RCBTB2: variants seen among roughly 807,000 people sequenced by gnomAD.
RCBTB2 encodes RCC1 and BTB domain containing protein 2, also known as RCC1 and BTB domain-containing protein 2.
Under a neutral mutation model 65.4 loss-of-function variants are expected in RCBTB2, and 55 were observed. That is an observed-to-expected ratio of 0.84 (90% CI 0.68 to 1.05). The LOEUF (loss-of-function observed/expected upper bound fraction) is 1.05, where lower values mean the gene tolerates loss of function less well. RCBTB2 is among the 50% of genes least tolerant of loss of function. RCBTB2 has a pLI of 0.00. For synonymous variants in RCBTB2, 220 were observed against 255.2 expected, an observed-to-expected ratio of 0.86 and a Z score of 1.31; for missense variants, 599 against 680.1, an observed-to-expected ratio of 0.88 and a Z score of 1.33.
At chr13:48,510,558 T>C (rs1406679184) in intron 10 of RCBTB2, 71 bp downstream of exon 10, 1 of 1,493,816 alleles carries the variant, frequency 6.7e-7, no homozygotes, top group East Asian at 2.3e-5. Flanking sequence ...CACCATTCTC[T>C]ATATATCTAA....
At chr13:48,496,356 T>C in intron 13 of RCBTB2, 35 bp from the exon 14 acceptor site, 1 of 1,497,806 alleles carries the variant, frequency 6.7e-7, no homozygotes, top group Non-Finnish European at 8.9e-7. Context: ...GGGGAGTGAT[T>C]TCAAGCATCC....
chr13:48,532,699 G>A, intron 1 of RCBTB2: 1 of 267,592 alleles, frequency 3.7e-6, no homozygotes, highest in South Asian at 3.0e-5. Flanking sequence ...CTGGGCCGGC[G>A]GCCTGGGCAG....
At position 48,510,577 on chromosome 13, in the gene RCBTB2, T is replaced by C. The variant is rs369465761; in HGVS notation, c.926+52A>G. 3.0e-5 allele frequency: 47 copies of C among 1,585,926 alleles called. No homozygotes were observed. The African/African-American group carries it at 5.9e-4, about 20-fold the overall frequency. On this transcript the variant is annotated intron_variant, in intron 10 of 14. Transcript: ENST00000344532. ...ATTCTCTATATATCTAAGTCCTGTT[T>C]AATCACAATCACCAAAGACCAGTGT... is the stretch of plus-strand genomic sequence containing the variant.
chr13:48,505,153 A>T (rs1027382132), intron 10 of RCBTB2, among the ~76,000 whole-genome samples: 8 of 151,488 alleles, frequency 5.3e-5, no homozygotes, highest in Non-Finnish European at 1.0e-4. Flanking sequence ...AGGCTGCGTG[A>T]CTAGGGGAAT....
chr13:48,532,861 T>G, intron 1 of RCBTB2, 167 bp downstream of exon 1: 1 of 388,654 alleles, frequency 2.6e-6, no homozygotes, highest in Non-Finnish European at 5.2e-6. Flanking sequence ...CGCCTAGGCC[T>G]GTGGCACGGT....
chr13:48,499,140 ACACTCT>A (rs772067159), intron 13 of RCBTB2, among the ~76,000 whole-genome samples: 28 of 142,480 alleles, frequency 2.0e-4, no homozygotes, highest in Non-Finnish European at 2.9e-4. Context: ...ACACACACAC[ACACTCT>A]CTCTCTCTCT....
chr13:48,528,399 AT>A (rs1951923665), intron 1 of RCBTB2, among the ~76,000 whole-genome samples: 1 of 152,212 alleles, frequency 6.6e-6, no homozygotes, highest in African/African-American at 2.4e-5. Context: ...ACACACTGAT[AT>A]TTTTAGAATT....
Position 48,515,606 on chromosome 13 carries a change from A to G in RCBTB2, c.178T>C (p.Tyr60His). ...VFGSAGNEVL[Y>H]TTVNDEIFVL... Reference sequence around the variant, plus strand: ...ATTACCTCATCATTTACTGTAGTGTATAAAACTTCATTGCCAGCACTGCCA... The same window carrying G: ...ATTACCTCATCATTTACTGTAGTGTGTAAAACTTCATTGCCAGCACTGCCA... The change falls in exon 5 of 15, where the codon TAC becomes CAC. Residue 60 changes from tyrosine to histidine, a missense_variant. Physicochemically the swap from Tyr to His is moderately conservative, Grantham distance 83. Transcript: ENST00000344532. 1 of 1,610,936 alleles carries G rather than the reference A, an allele frequency of 6.2e-7. No homozygotes were observed. The highest frequency in any genetic ancestry group is 8.5e-7 in the Non-Finnish European group (1 of 1,179,090).
At chr13:48,508,523 C>T (rs541907651) in intron 10 of RCBTB2, among the ~76,000 whole-genome samples, 1 of 152,134 alleles carries the variant, frequency 6.6e-6, no homozygotes, top group East Asian at 1.9e-4. Flanking sequence ...CGTGCCTCAG[C>T]CTCCCAAGTA....
chr13:48,507,367 C>T (rs1260944816), intron 10 of RCBTB2, among the ~76,000 whole-genome samples: 1 of 152,214 alleles, frequency 6.6e-6, no homozygotes. Context: ...ACCGACGTTC[C>T]AATTTTCCAG....
chr13:48,509,031 A>G (rs761597850), intron 10 of RCBTB2, among the ~76,000 whole-genome samples: 5 of 152,146 alleles, frequency 3.3e-5, no homozygotes, highest in Admixed American at 6.5e-5. Flanking sequence ...TAGGAGCACC[A>G]TAAAAAGTAA....
chr13:48,530,750 A>C (rs1048341498), intron 1 of RCBTB2, among the ~76,000 whole-genome samples: 4 of 152,260 alleles, frequency 2.6e-5, no homozygotes, highest in African/African-American at 9.6e-5. Flanking sequence ...TTCCTTGTAA[A>C]AGTCCAGTGT....
intron 10 of RCBTB2, among the ~76,000 whole-genome samples, chr13:48,505,738 A>C (rs1199763772): frequency 6.6e-6 from 1 of 152,030 alleles, no homozygotes; most frequent in Non-Finnish European, 1.5e-5. Context: ...AAATTCTTAT[A>C]ATCAGCTTTA....
chr13:48,532,200 C>G (rs1952171252), intron 1 of RCBTB2: 1 of 152,246 alleles, frequency 6.6e-6, no homozygotes. Flanking sequence ...GTTCTTTCTC[C>G]GCCAAGACGG....
chr13:48,512,249 G>C, intron 7 of RCBTB2, 75 bp from the exon 8 acceptor site: 1 of 1,287,402 alleles, frequency 7.8e-7, no homozygotes, highest in Non-Finnish European at 1.1e-6. Flanking sequence ...ACATGTACTT[G>C]TGGCACCGAG....
intron 4 of RCBTB2, among the ~76,000 whole-genome samples, chr13:48,520,760 C>T (rs1951377564): frequency 6.6e-6 from 1 of 152,114 alleles, no homozygotes; most frequent in Non-Finnish European, 1.5e-5. Context: ...TAATTACAGA[C>T]AGCTATCAAG....
intron 10 of RCBTB2, among the ~76,000 whole-genome samples, chr13:48,506,640 C>T (rs1042249731): frequency 6.6e-6 from 1 of 152,198 alleles, no homozygotes; most frequent in African/African-American, 2.4e-5. Context: ...CCAATGTACA[C>T]ATAGCTGAGC....
chr13:48,517,085 T>C (rs1189062582), intron 4 of RCBTB2, among the ~76,000 whole-genome samples: 4 of 152,316 alleles, frequency 2.6e-5, no homozygotes, highest in African/African-American at 9.6e-5. Context: ...TACTTGTCCC[T>C]TCCACCTTAG....
At chr13:48,495,338 G>A (rs1052214973) in intron 14 of RCBTB2, among the ~76,000 whole-genome samples, 1 of 151,860 alleles carries the variant, frequency 6.6e-6, no homozygotes, top group Non-Finnish European at 1.5e-5. Context: ...TTTTTTCTAT[G>A]TAGATAATGA....
Sources: allele counts gnomAD v4.1 joint callset (sites outside exome capture counted in the v4.1 genomes callset), GRCh38; gene constraint gnomAD v4.1.1; transcripts MANE v1.5; gene names NCBI Gene and HGNC (gene_info 2026-07-23, HGNC 2026-07-21).